Variants in PDE4D observed in about 807,000 individuals in gnomAD.
PDE4D encodes the protein 3',5'-cyclic-AMP phosphodiesterase 4D.
PDE4D carries 24 observed loss-of-function variants against 87.4 expected under a neutral mutation model. That is an observed-to-expected ratio of 0.27 (90% CI 0.20 to 0.39). PDE4D has a LOEUF of 0.39. Among genes scored for constraint, PDE4D ranks in the 10% least tolerant of loss-of-function variants. The probability of loss-of-function intolerance (pLI) is 1.00; values close to 1 mark genes in which losing one functional copy is unlikely to be tolerated. For synonymous variants in PDE4D, 384 were observed against 383.2 expected (o/e 1.00, Z -0.02); for missense variants, 714 against 1,041.0 (o/e 0.69, Z 4.32).
At chr5:59,703,055 A>G (rs901163195) in intron 1 of PDE4D, among the ~76,000 whole-genome samples, 23 of 152,168 alleles carry the variant, frequency 1.5e-4, no homozygotes, top group African/African-American at 5.5e-4. Context: ...AGCGTCACAT[A>G]GAAATGTTCC....
In PDE4D at chr5:60,354,699, G is replaced by T. The variant is rs148133274; in HGVS notation, c.-90+133243C>A. On this transcript the variant is annotated intron_variant, in intron 1 of 16. Coordinates refer to the PDE4D transcript ENST00000502484. ...TGAACCATTTTTAGTCTGGGATGTTGCCCAGTACTAGGACGTTTTTCTGGC... is the reference window on the plus strand; with the variant it reads ...TGAACCATTTTTAGTCTGGGATGTTTCCCAGTACTAGGACGTTTTTCTGGC... 4.4e-4 allele frequency among the ~76,000 whole-genome samples: 67 copies of T among 152,230 alleles called. 1 individual carries two copies. In the East Asian group the frequency reaches 0.011, roughly 25 times the overall value.
At chr5:59,797,968 G>A (rs919446168) in intron 1 of PDE4D, among the ~76,000 whole-genome samples, 3 of 152,112 alleles carry the variant, frequency 2.0e-5, no homozygotes, top group Non-Finnish European at 2.9e-5. Flanking sequence ...GGGTATGGGG[G>A]CTTGCACTTG....
At chr5:59,543,273 T>A (rs1272211287) in intron 1 of PDE4D, among the ~76,000 whole-genome samples, 1 of 152,198 alleles carries the variant, frequency 6.6e-6, no homozygotes, top group Non-Finnish European at 1.5e-5. Context: ...TTTTTGAGCC[T>A]GTTTTAGCCA....
At chr5:59,966,500 T>C (rs1395273046) in intron 3 of PDE4D, among the ~76,000 whole-genome samples, 1 of 152,220 alleles carries the variant, frequency 6.6e-6, no homozygotes, top group Non-Finnish European at 1.5e-5. Context: ...TGCAACATAA[T>C]AATTTAAATG....
In PDE4D at chr5:59,480,674, C is replaced by G. The variant is rs546504857; in HGVS notation, c.456-264706G>C. 2.0e-5 allele frequency among the ~76,000 whole-genome samples: 3 copies of G among 152,268 alleles called. No individual in the cohort carries two copies. In the South Asian group the frequency reaches 6.2e-4, roughly 32 times the overall value. ...AGCCAGGCATTATTTTCCAATATGA[C>G]ATTTTTCTTAAATTACTTTGTATCT... On this transcript the variant is annotated intron_variant, in intron 1 of 14. Coordinates refer to ENST00000340635, the MANE Select transcript of PDE4D (RefSeq NM_001104631.2).
intron 1 of PDE4D, among the ~76,000 whole-genome samples, chr5:59,374,917 T>C (rs909634328): frequency 6.6e-6 from 1 of 151,888 alleles, no homozygotes; most frequent in Non-Finnish European, 1.5e-5. Flanking sequence ...CCTTTTCTCC[T>C]GAAATCCTGA....
intron 1 of PDE4D, among the ~76,000 whole-genome samples, chr5:59,732,426 A>T (rs1357315523): frequency 6.7e-6 from 1 of 148,940 alleles, no homozygotes; most frequent in Non-Finnish European, 1.5e-5. Flanking sequence ...ACACACACAC[A>T]CTCACTCACG....
chr5:60,348,495 C>T (rs1278157619), intron 1 of PDE4D, among the ~76,000 whole-genome samples: 1 of 151,932 alleles, frequency 6.6e-6, no homozygotes, highest in African/African-American at 2.4e-5. Flanking sequence ...AAAAGTATTC[C>T]ACACAGTATT....
chr5:60,491,580 AGAAGGATCCAT>A (rs371477918), upstream of PDE4D: 1 of 152,358 alleles, frequency 6.6e-6, no homozygotes, highest in East Asian at 1.9e-4. Flanking sequence ...AGACCTGAAC[AGAAGGATCCAT>A]TTATCTGTGG....
chr5:60,416,320 C>T (rs1456475798), intron 1 of PDE4D, among the ~76,000 whole-genome samples: 6 of 152,214 alleles, frequency 3.9e-5, no homozygotes, highest in Admixed American at 2.6e-4. Flanking sequence ...CAGTGGCAAC[C>T]TGCTGGGGTC....
chr5:59,141,488 T>C (rs1043516068), intron 5 of PDE4D, among the ~76,000 whole-genome samples: 4 of 152,204 alleles, frequency 2.6e-5, no homozygotes, highest in African/African-American at 9.6e-5. Flanking sequence ...AGGAAGTTGG[T>C]GAAAGGCTTC....
At chr5:59,366,775 A>G (rs1340122343) in intron 1 of PDE4D, among the ~76,000 whole-genome samples, 1 of 144,194 alleles carries the variant, frequency 6.9e-6, no homozygotes, top group Non-Finnish European at 1.6e-5. Flanking sequence ...CTATAAATGA[A>G]AAAAATTCAA....
chr5:60,512,814 C>T (rs2150257292), intron 1 of PDE4D, among the ~76,000 whole-genome samples: 1 of 152,190 alleles, frequency 6.6e-6, no homozygotes, highest in South Asian at 2.1e-4. Context: ...AGCTGGGAAA[C>T]TGAGATACAG....
intron 1 of PDE4D, among the ~76,000 whole-genome samples, chr5:59,502,121 G>A (rs1044375383): frequency 1.3e-5 from 2 of 152,052 alleles, no homozygotes; most frequent in Non-Finnish European, 2.9e-5. Context: ...CTGTCTCCTA[G>A]CATAGTGCAT....
intron 1 of PDE4D, among the ~76,000 whole-genome samples, chr5:59,758,047 C>T (rs1056225534): frequency 1.3e-5 from 2 of 152,158 alleles, no homozygotes; most frequent in Non-Finnish European, 2.9e-5. Flanking sequence ...AACTTCAATA[C>T]ACATGCAGGG....
At position 59,612,181 on chromosome 5, in the gene PDE4D, T is replaced by C. The variant is rs184475865; in HGVS notation, c.455+280987A>G. 1.4e-3 allele frequency among the ~76,000 whole-genome samples: 218 copies of C among 152,228 alleles called. 1 individual carries two copies. The highest frequency in any genetic ancestry group is 6.8e-3 in the Middle Eastern group (2 of 294). ...GCAACAGCACAGTCAAGTTCACTAA[T>C]GACCTAAAAACAATTAATTCAATAT... On this transcript the variant is annotated intron_variant, in intron 1 of 14. Transcript: ENST00000340635.
At chr5:59,580,413 T>C (rs542364983) in intron 1 of PDE4D, among the ~76,000 whole-genome samples, 8 of 151,692 alleles carry the variant, frequency 5.3e-5, no homozygotes, top group South Asian at 4.2e-4. Flanking sequence ...TTCCATGAAG[T>C]ATATGATAGT....
chr5:58,989,946 T>A, intron 9 of PDE4D, 27 bp from the exon 10 acceptor site: 3 of 1,410,466 alleles, frequency 2.1e-6, no homozygotes, highest in Non-Finnish European at 2.9e-6. Flanking sequence ...CATCTTAACA[T>A]TTTTGTCTTT....
intron 1 of PDE4D, among the ~76,000 whole-genome samples, chr5:60,261,117 ATATT>A (rs1160976072): frequency 1.3e-5 from 2 of 152,136 alleles, no homozygotes; most frequent in Admixed American, 1.3e-4. Context: ...TTTGCTAGAG[ATATT>A]TATTTTATTG....
Sources: gnomAD v4.1 joint callset for allele counts (sites outside exome capture counted in the v4.1 genomes callset) on GRCh38, gnomAD v4.1.1 for gene constraint, MANE v1.5 for transcripts, NCBI Gene and HGNC (gene_info 2026-07-23, HGNC 2026-07-21) for gene names.